Variants in TRABD2B observed in about 807,000 individuals in gnomAD.
TRABD2B encodes the protein metalloprotease TIKI2.
In TRABD2B, 14 loss-of-function variants were observed where a neutral mutation model predicts 40.1. That is an observed-to-expected ratio of 0.35 (90% CI 0.23 to 0.55). The LOEUF is 0.55. Ranked by LOEUF, TRABD2B falls within the 20% of genes least tolerant of loss-of-function variation. The probability of loss-of-function intolerance (pLI) is 0.90; values close to 1 mark genes in which losing one functional copy is unlikely to be tolerated. For missense variants in TRABD2B, 541 were observed against 648.6 expected (o/e 0.83, Z 1.80); for synonymous variants, 263 against 277.0 (o/e 0.95, Z 0.50).
chr1:47,932,429 C>T (rs182347435), intron 2 of TRABD2B, among the ~76,000 whole-genome samples: 3 of 152,224 alleles, frequency 2.0e-5, no homozygotes, highest in Non-Finnish European at 2.9e-5. Flanking sequence ...TGAGGACAGA[C>T]GTCCGTGGAG....
intron 2 of TRABD2B, among the ~76,000 whole-genome samples, chr1:47,829,078 G>C (rs1645215189): frequency 6.6e-6 from 1 of 152,196 alleles, no homozygotes; most frequent in South Asian, 2.1e-4. Context: ...GGAAACTGAG[G>C]ATGACTGGCC....
chr1:47,991,733 C>T (rs570275214), intron 2 of TRABD2B, among the ~76,000 whole-genome samples: 3 of 152,286 alleles, frequency 2.0e-5, no homozygotes, highest in South Asian at 4.1e-4. Flanking sequence ...ACTGTCTCCC[C>T]AACCCAAATA....
rs541579795 is a variant in TRABD2B, at chr1:47,950,289, GA to G, written c.666+43744del. 2.2e-3 allele frequency among the ~76,000 whole-genome samples: 318 copies of G among 147,220 alleles called. 2 individuals are homozygous for G. Among genetic ancestry groups the G allele is most frequent in the Non-Finnish European group, 3.5e-3 (231 of 66,508 alleles). ...GATAGAGCAAGACTCCGTCTCAAAA[GA>G]AAAAAAAAATAATAATAAAAAGAAA... is the stretch of plus-strand genomic sequence containing the variant. On this transcript the variant is annotated intron_variant, in intron 2 of 6. Coordinates refer to ENST00000606738, the MANE Select transcript of TRABD2B (RefSeq NM_001194986.2).
chr1:47,949,028 G>A (rs963116398), intron 2 of TRABD2B, among the ~76,000 whole-genome samples: 5 of 152,268 alleles, frequency 3.3e-5, no homozygotes, highest in African/African-American at 1.2e-4. Context: ...AGGGGGTTAC[G>A]TGACTAACAT....
chr1:47,790,986 TG>T (rs1408106152), intron 4 of TRABD2B, among the ~76,000 whole-genome samples: 6 of 152,220 alleles, frequency 3.9e-5, no homozygotes, highest in African/African-American at 1.4e-4. Flanking sequence ...TAGCTCACAG[TG>T]GCAGAGCCAT....
At chr1:47,783,853 C>T (rs143047687) in intron 4 of TRABD2B, among the ~76,000 whole-genome samples, 4 of 152,274 alleles carry the variant, frequency 2.6e-5, no homozygotes, top group East Asian at 1.9e-4. Flanking sequence ...CAGGGTAGAG[C>T]GAGTGCTGTC....
chr1:47,846,406 G>T (rs1645470593), intron 2 of TRABD2B, among the ~76,000 whole-genome samples: 1 of 152,210 alleles, frequency 6.6e-6, no homozygotes, highest in African/African-American at 2.4e-5. Context: ...TGGTAGAAGT[G>T]ATATGTGCTC....
intron 2 of TRABD2B, among the ~76,000 whole-genome samples, chr1:47,855,597 C>A (rs1476275402): frequency 6.6e-6 from 1 of 152,222 alleles, no homozygotes; most frequent in Non-Finnish European, 1.5e-5. Flanking sequence ...ACTCTGTGAA[C>A]ATAGTATGAT....
rs998504612 is a variant in TRABD2B at position 47,871,940 on chromosome 1, C to T, written c.667-70321G>A. 6.6e-5 allele frequency among the ~76,000 whole-genome samples: 10 copies of T among 152,322 alleles called. No individual in the cohort carries two copies. In the East Asian group the frequency reaches 1.4e-3, roughly 21 times the overall value. Reference sequence around the variant, plus strand: ...CCAAGGGGGCCAACAGGTGCCTGTGCGTCAGTGCACTGGTGCACTCCCAAG... The same window carrying T: ...CCAAGGGGGCCAACAGGTGCCTGTGTGTCAGTGCACTGGTGCACTCCCAAG... On this transcript the variant is annotated intron_variant, in intron 2 of 6. Coordinates refer to ENST00000606738, the MANE Select transcript of TRABD2B (RefSeq NM_001194986.2).
Position 47,994,249 on chromosome 1 carries a change from A to C in TRABD2B, c.451T>G (p.Phe151Val). ...RGKGLYADYL[F>V]NAIAGNWERK... is the part of the protein sequence containing the mutation. Reference sequence around the variant, plus strand: ...TCCCAGTTGCCCGCGATGGCATTGAATAGGTAGTCAGCATAGAGCCCCTTG... The same window carrying C: ...TCCCAGTTGCCCGCGATGGCATTGACTAGGTAGTCAGCATAGAGCCCCTTG... The change falls in exon 2 of 7, where the codon TTC becomes GTC. Residue 151 changes from phenylalanine (F) to valine (V), a missense_variant. Physicochemically the swap from Phe to Val is conservative, Grantham distance 50. Around this residue, in one of 2 missense-constraint regions of TRABD2B, gnomAD observed 369 missense variants for 492.8 expected, o/e 0.75. Transcript: ENST00000606738. The surrounding 1 kb of genome is among the most constrained non-coding windows in gnomAD (Gnocchi z 6.7). 6.5e-7 allele frequency: 1 copy of C among 1,540,026 alleles called. No individual in the cohort carries two copies.
At chr1:47,846,135 T>C (rs1645465607) in intron 2 of TRABD2B, among the ~76,000 whole-genome samples, 1 of 152,150 alleles carries the variant, frequency 6.6e-6, no homozygotes, top group Admixed American at 6.5e-5. Context: ...AATGAAGAAG[T>C]TAAAAAAAGA....
intron 2 of TRABD2B, chr1:47,819,777 C>T (rs761531754): frequency 2.0e-5 from 3 of 152,142 alleles, no homozygotes; most frequent in Admixed American, 6.5e-5. Context: ...GTTCTGAGCA[C>T]GTATTCGGGC....
chr1:47,990,956 C>T (rs1166110263), intron 2 of TRABD2B, among the ~76,000 whole-genome samples: 3 of 150,906 alleles, frequency 2.0e-5, no homozygotes, highest in African/African-American at 7.3e-5. Flanking sequence ...TGCCTCACCA[C>T]CAGCCTCATA....
intron 2 of TRABD2B, among the ~76,000 whole-genome samples, chr1:47,906,808 T>TGCA (rs1367170190): frequency 4.6e-5 from 7 of 152,216 alleles, no homozygotes; most frequent in Non-Finnish European, 7.3e-5. Context: ...AGCTTAATAA[T>TGCA]GCAGCAAAGA....
At chr1:47,826,093 G>T (rs1317119493) in intron 2 of TRABD2B, among the ~76,000 whole-genome samples, 1 of 152,228 alleles carries the variant, frequency 6.6e-6, no homozygotes, top group Non-Finnish European at 1.5e-5. Flanking sequence ...AGGTTGGAAG[G>T]TCGCATGTAG....
intron 2 of TRABD2B, among the ~76,000 whole-genome samples, chr1:47,848,568 G>A (rs973197907): frequency 6.4e-4 from 98 of 152,222 alleles, no homozygotes; most frequent in African/African-American, 2.3e-3. Context: ...TGTTACAGAT[G>A]CATGAACCCC....
intron 2 of TRABD2B, among the ~76,000 whole-genome samples, chr1:47,855,156 G>C (rs1570131846): frequency 6.6e-6 from 1 of 152,312 alleles, no homozygotes; most frequent in East Asian, 1.9e-4. Flanking sequence ...TTCAAAAGAA[G>C]AGTACAGAGA....
intron 2 of TRABD2B, among the ~76,000 whole-genome samples, chr1:47,953,717 A>G (rs1019210049): frequency 6.6e-6 from 1 of 152,252 alleles, no homozygotes; most frequent in African/African-American, 2.4e-5. Flanking sequence ...ATATGGATTA[A>G]TGAAATAAAA....
At chr1:47,871,609 A>G (rs1408716739) in intron 2 of TRABD2B, among the ~76,000 whole-genome samples, 1 of 152,150 alleles carries the variant, frequency 6.6e-6, no homozygotes, top group African/African-American at 2.4e-5. Flanking sequence ...ACTCAGAGCC[A>G]GAGATGGTCG....
Sources: gnomAD v4.1 joint callset for allele counts (sites outside exome capture counted in the v4.1 genomes callset) on GRCh38, gnomAD v4.1.1 for gene constraint, gnomAD v4.1.1 regional missense constraint, Gnocchi (gnomAD v3.1) non-coding constraint, MANE v1.5 for transcripts, NCBI Gene and HGNC (gene_info 2026-07-23, HGNC 2026-07-21) for gene names.